Variants in ST3GAL6 observed in about 807,000 individuals in gnomAD.
ST3GAL6 encodes type 2 lactosamine alpha-2,3-sialyltransferase.
A neutral mutation model predicts 40.5 loss-of-function variants in ST3GAL6; 31 were observed. That is an observed-to-expected ratio of 0.77 (90% CI 0.58 to 1.03). The LOEUF is 1.03. ST3GAL6 is among the 50% of genes least tolerant of loss of function. The pLI is 0.00. For synonymous variants in ST3GAL6, 129 were observed against 136.9 expected, an observed-to-expected ratio of 0.94 and a Z score of 0.40; for missense variants, 357 against 393.2, an observed-to-expected ratio of 0.91 and a Z score of 0.78.
chr3:98,732,942 C>A, intron 1 of ST3GAL6: 1 of 1,511,766 alleles, frequency 6.6e-7, no homozygotes, highest in Non-Finnish European at 8.8e-7. Context: ...TGCGCCTCTG[C>A]GGTCGTCGCT....
Position 98,779,089 on chromosome 3 carries a change from C to T in ST3GAL6, c.335+5106C>T, listed in dbSNP as rs572880895. Among the ~76,000 whole-genome samples, 53 of 152,292 alleles carry T rather than the reference C, an allele frequency of 3.5e-4. No individual in the cohort carries two copies. The South Asian group carries it at 0.01, about 29-fold the overall frequency. On this transcript the variant is annotated intron_variant, in intron 5 of 9. Coordinates refer to ENST00000483910, the MANE Select transcript of ST3GAL6 (RefSeq NM_001323368.2). Reference sequence around the variant, plus strand: ...CCTGGTTGGGGGATTGAGTTAGTGGCTCAGTGATGTCAAGGCTCCAGGGTA... The same window carrying T: ...CCTGGTTGGGGGATTGAGTTAGTGGTTCAGTGATGTCAAGGCTCCAGGGTA...
intron 5 of ST3GAL6, among the ~76,000 whole-genome samples, chr3:98,781,792 T>TC (rs1458416025): frequency 6.6e-6 from 1 of 152,162 alleles, no homozygotes; most frequent in Non-Finnish European, 1.5e-5. Flanking sequence ...CTATAGATAT[T>TC]CCCCCTCTAC....
chr3:98,777,373 A>G (rs1416365370), intron 5 of ST3GAL6, among the ~76,000 whole-genome samples: 3 of 152,216 alleles, frequency 2.0e-5, no homozygotes, highest in Admixed American at 6.5e-5. Flanking sequence ...GAATTGGCAA[A>G]CATTACAAAT....
At chr3:98,747,415 T>A (rs1576039418) in intron 1 of ST3GAL6, among the ~76,000 whole-genome samples, 1 of 152,200 alleles carries the variant, frequency 6.6e-6, no homozygotes, top group Admixed American at 6.5e-5. Flanking sequence ...GTTACATGAC[T>A]TAAACTACCA....
chr3:98,782,468 GA>G, intron 5 of ST3GAL6: 1 of 615,394 alleles, frequency 1.6e-6, no homozygotes, highest in Non-Finnish European at 2.9e-6. Context: ...TGGTGATGGA[GA>G]AAAGGAAGTG....
intron 5 of ST3GAL6, 21 bp from the exon 6 acceptor site, chr3:98,784,924 A>G (rs757509094): frequency 1.3e-6 from 2 of 1,592,528 alleles, no homozygotes; most frequent in African/African-American, 2.7e-5. Context: ...TCAATCTCTC[A>G]CTTGTCCATC....
rs1006696991 is a variant in ST3GAL6, at chr3:98,782,207, A to G, written c.336-2738A>G. On this transcript the variant is annotated intron_variant, in intron 5 of 9. Transcript: ENST00000483910. The stretch of plus-strand genomic sequence containing the variant: ...AGAGTTATGTTACTTTCTTATTTAG[A>G]AACAGAGAGCCCAGGACCATGAGGC... The G allele has an allele frequency of 4.3e-6, 3 of 695,180 alleles. No individual in the cohort carries two copies. In the African/African-American group the frequency reaches 5.3e-5, roughly 12 times the overall value. The allele number at this position is 695,180 out of a possible 1,614,324, so 43.1% of individuals were successfully genotyped here. A position where few individuals can be genotyped will look rare whatever the true frequency, so the allele number is the denominator to read the frequency against.
chr3:98,772,156 G>A (rs962284103), intron 3 of ST3GAL6: 1 of 152,164 alleles, frequency 6.6e-6, no homozygotes, highest in African/African-American at 2.4e-5. Context: ...TCAGCAATAT[G>A]TAAGTCTACA....
At chr3:98,774,767 G>A (rs1166082355) in intron 5 of ST3GAL6, among the ~76,000 whole-genome samples, 4 of 152,194 alleles carry the variant, frequency 2.6e-5, no homozygotes, top group Non-Finnish European at 5.9e-5. Flanking sequence ...ATAGAGGTCT[G>A]AAAGTGTAGA....
chr3:98,767,084 A>C (rs556674431), intron 1 of ST3GAL6, among the ~76,000 whole-genome samples: 1 of 152,176 alleles, frequency 6.6e-6, no homozygotes, highest in Non-Finnish European at 1.5e-5. Context: ...TTTCTAACTA[A>C]TTTAGAATAG....
intron 5 of ST3GAL6, among the ~76,000 whole-genome samples, chr3:98,777,535 G>C (rs572358537): frequency 2.6e-5 from 4 of 152,318 alleles, no homozygotes; most frequent in Admixed American, 2.6e-4. Flanking sequence ...TTGTATTCCA[G>C]GTGACTGTGT....
chr3:98,742,562 C>A lies in ST3GAL6; in HGVS notation c.-12+10030C>A, dbSNP rs191242469. 1.4e-3 allele frequency among the ~76,000 whole-genome samples: 209 copies of A among 152,282 alleles called. 2 individuals are homozygous for A. The highest frequency in any genetic ancestry group is 4.8e-3 in the South Asian group (23 of 4,828). Reference sequence around the variant, plus strand: ...GCAGCACTGTGCAGGGGAGATCATACCCTTATTGAGGGGTCCATGCTTACC... The same window carrying A: ...GCAGCACTGTGCAGGGGAGATCATAACCTTATTGAGGGGTCCATGCTTACC... On this transcript the variant is annotated intron_variant, in intron 1 of 9. Transcript: ENST00000265261.
intron 8 of ST3GAL6, among the ~76,000 whole-genome samples, chr3:98,791,166 C>T (rs1335793000): frequency 6.6e-6 from 1 of 152,196 alleles, no homozygotes; most frequent in East Asian, 1.9e-4. Context: ...TGTCAAATAT[C>T]TATCACACTG....
intron 5 of ST3GAL6, among the ~76,000 whole-genome samples, chr3:98,777,240 A>G (rs1192366498): frequency 6.6e-6 from 1 of 152,196 alleles, no homozygotes; most frequent in Non-Finnish European, 1.5e-5. Context: ...CTTACCTCCA[A>G]TGATGTGCTG....
At chr3:98,751,841 T>G (rs1937029832) in intron 1 of ST3GAL6, among the ~76,000 whole-genome samples, 1 of 152,236 alleles carries the variant, frequency 6.6e-6, no homozygotes. Flanking sequence ...ATGGAAATAA[T>G]CTTCATGTAG....
Position 98,794,315 on chromosome 3 carries a change from T to TTTAAG in ST3GAL6, c.*559_*563dup, listed in dbSNP as rs1331948921. On this transcript the variant is annotated 3_prime_UTR_variant, in exon 10 of 10. Coordinates refer to ENST00000483910, the MANE Select transcript of ST3GAL6 (RefSeq NM_001323368.2). ...TGGTACAATGAAGGCAGTGTTTGTTTTTAAGTTAAAGGAAATGGGCTAAAC... is the reference window on the plus strand; with the variant it reads ...TGGTACAATGAAGGCAGTGTTTGTTTTTAAGTTAAGTTAAAGGAAATGGGCTAAAC... The TTTAAG allele has an allele frequency of 7.2e-5, 11 of 152,304 alleles. No individual in the cohort carries two copies. The highest frequency in any genetic ancestry group is 2.6e-4 in the African/African-American group (11 of 41,570). 9.4% of individuals were successfully genotyped at this position (152,304 alleles called of 1,614,324 possible). A position where few individuals can be genotyped will look rare whatever the true frequency, so the allele number is the denominator to read the frequency against.
intron 1 of ST3GAL6, among the ~76,000 whole-genome samples, chr3:98,751,307 T>C (rs1936994309): frequency 6.6e-6 from 1 of 152,200 alleles, no homozygotes; most frequent in Non-Finnish European, 1.5e-5. Flanking sequence ...ACTCAGGAAC[T>C]ATACTTTCTA....
intron 2 of ST3GAL6, among the ~76,000 whole-genome samples, chr3:98,769,215 C>G (rs1017601682): frequency 2.6e-5 from 4 of 152,154 alleles, no homozygotes; most frequent in Non-Finnish European, 5.9e-5. Flanking sequence ...GATCATGTTT[C>G]TAACTTGTGC....
intron 6 of ST3GAL6, among the ~76,000 whole-genome samples, chr3:98,786,397 A>C (rs1940716454): frequency 6.6e-6 from 1 of 152,214 alleles, no homozygotes; most frequent in Admixed American, 6.5e-5. Flanking sequence ...TCCAGGACAG[A>C]AGGAGTGACC....
Sources: allele counts gnomAD v4.1 joint callset (sites outside exome capture counted in the v4.1 genomes callset), GRCh38; gene constraint gnomAD v4.1.1; transcripts MANE v1.5; gene names NCBI Gene and HGNC (gene_info 2026-07-23, HGNC 2026-07-21).